The following TMEM165 variants were observed in gnomAD, a reference collection of about 807,000 sequenced individuals.
The protein encoded by TMEM165 is putative divalent cation/proton antiporter TMEM165.
In TMEM165, 19 loss-of-function variants were observed where a neutral mutation model predicts 30.0. That is an observed-to-expected ratio of 0.63 (90% CI 0.44 to 0.93). The LOEUF is 0.93. Ranked by LOEUF, TMEM165 falls within the 40% of genes least tolerant of loss-of-function variation. TMEM165 has a pLI of 0.00. For synonymous variants in TMEM165, 168 were observed against 162.9 expected, an observed-to-expected ratio of 1.03 and a Z score of -0.24; for missense variants, 340 against 417.0, an observed-to-expected ratio of 0.82 and a Z score of 1.61.
intron 3 of TMEM165, among the ~76,000 whole-genome samples, chr4:55,441,208 A>G (rs1577675929): frequency 1.3e-5 from 2 of 152,164 alleles, no homozygotes; most frequent in South Asian, 4.1e-4. Context: ...TCAACTTAAA[A>G]CCACAATTAA....
At chr4:55,427,774 C>A (rs1038281448), downstream of TMEM165, 1 of 152,218 alleles carries the variant, frequency 6.6e-6, no homozygotes, top group African/African-American at 2.4e-5. Flanking sequence ...GCATCGCATT[C>A]TGAGGCACCA....
chr4:55,415,384 T>G (rs1162594049), intron 2 of TMEM165: 1 of 152,194 alleles, frequency 6.6e-6, no homozygotes, highest in Admixed American at 6.5e-5. Flanking sequence ...CCATTTGATT[T>G]TGCTCCTCAC....
chr4:55,434,932 C>A (rs1722763892), intron 3 of TMEM165: 1 of 179,748 alleles, frequency 5.6e-6, no homozygotes, highest in Non-Finnish European at 1.2e-5. Flanking sequence ...CCATCATTAT[C>A]TGAAAAGGGA....
At chr4:55,400,812 T>A (rs951408110) in intron 1 of TMEM165, among the ~76,000 whole-genome samples, 1 of 150,564 alleles carries the variant, frequency 6.6e-6, no homozygotes, top group African/African-American at 2.5e-5. Context: ...GCTGAAAGAT[T>A]TTTCTTTCAC....
Position 55,450,242 on chromosome 4 carries a change from C to G in TMEM165, c.409-1997C>G, listed in dbSNP as rs1321036113. ...ACCCAGAATCTTGGCTCTATGGAGA[C>G]AGAGTAAAATAAATGTTTTCTTGTG... On this transcript the variant is annotated intron_variant, in intron 3 of 3. Coordinates refer to the TMEM165 transcript ENST00000608091. 5 of 1,613,738 alleles carry G rather than the reference C, an allele frequency of 3.1e-6. No homozygotes were observed. In the South Asian group the frequency reaches 5.5e-5, roughly 18 times the overall value.
intron 1 of TMEM165, among the ~76,000 whole-genome samples, chr4:55,405,864 C>T (rs2109532487): frequency 6.6e-6 from 1 of 152,328 alleles, no homozygotes; most frequent in South Asian, 2.1e-4. Context: ...AGCTTGTCCA[C>T]AAACATAAAG....
intron 1 of TMEM165, among the ~76,000 whole-genome samples, chr4:55,400,266 A>C (rs1357450586): frequency 1.0e-5 from 1 of 98,578 alleles, no homozygotes; most frequent in Admixed American, 1.5e-4. Flanking sequence ...TTAATATATA[A>C]TATATAATAT....
chr4:55,450,150 G>A, intron 3 of TMEM165: 7 of 1,614,108 alleles, frequency 4.3e-6, no homozygotes, highest in Non-Finnish European at 5.9e-6. Flanking sequence ...AGAGGCAGAA[G>A]GGGTTGGGCT....
intron 1 of TMEM165, among the ~76,000 whole-genome samples, chr4:55,402,809 T>TTTTTTTTTTTTTTTTTTTA (rs1560387581): frequency 7.6e-6 from 1 of 131,924 alleles, no homozygotes; most frequent in African/African-American, 3.1e-5. Context: ...TTTTTTTTTT[T>TTTTTTTTTTTTTTTTTTTA]GAGACGGAGT....
In TMEM165 at chr4:55,396,073, TA is replaced by T; in HGVS notation, c.-115del. 1.2e-6 allele frequency: 1 copy of T among 850,680 alleles called. No individual in the cohort carries two copies. The highest frequency in any genetic ancestry group is 1.6e-6 in the Non-Finnish European group (1 of 627,576). 52.7% of individuals were successfully genotyped at this position (850,680 alleles called of 1,614,324 possible). On this transcript the variant is annotated 5_prime_UTR_variant, in exon 1 of 6. It removes the in-frame stop codon of an upstream open reading frame in the 5' UTR. Coordinates refer to ENST00000381334, the MANE Select transcript of TMEM165 (RefSeq NM_018475.5). ...CTCCCGGATGGTGCTGACTGCTCCC[TA>T]AGCGGCGGCGGCGGCGAGTCGTGAG...
At chr4:55,416,940 TTACA>T (rs1166185132) in intron 2 of TMEM165, 128 bp from the exon 3 acceptor site, 5 of 704,078 alleles carry the variant, frequency 7.1e-6, no homozygotes, top group Non-Finnish European at 1.1e-5. Context: ...CTTGAGGTTA[TTACA>T]TACTAGATTA....
chr4:55,426,730 G>A (rs1722218285), downstream of TMEM165, among the ~76,000 whole-genome samples: 1 of 152,198 alleles, frequency 6.6e-6, no homozygotes, highest in South Asian at 2.1e-4. Context: ...GCAATTTGAA[G>A]AGATTGTGAA....
chr4:55,412,533 A>G (rs1721553616), intron 2 of TMEM165: 1 of 151,812 alleles, frequency 6.6e-6, no homozygotes, highest in South Asian at 2.1e-4. Context: ...CTTTTTTAAC[A>G]GTTGGAAATT....
intron 3 of TMEM165, among the ~76,000 whole-genome samples, chr4:55,443,217 T>G (rs564741271): frequency 1.1e-4 from 16 of 152,200 alleles, no homozygotes; most frequent in African/African-American, 3.9e-4. Context: ...GGCTCACACC[T>G]GTAATCCCAG....
At chr4:55,401,015 T>C (rs11729403) in intron 1 of TMEM165, among the ~76,000 whole-genome samples, 5,157 of 150,578 alleles carry the variant, frequency 0.034, 149 homozygotes, top group Non-Finnish European at 0.054. Context: ...GATATTTAAA[T>C]TTAACCTTTT....
intron 1 of TMEM165, among the ~76,000 whole-genome samples, chr4:55,407,968 A>G (rs1431219432): frequency 6.6e-6 from 1 of 152,160 alleles, no homozygotes; most frequent in East Asian, 1.9e-4. Flanking sequence ...TCACGCCGTA[A>G]CTGATAATGC....
At chr4:55,443,791 G>C in intron 3 of TMEM165, 1 of 1,613,968 alleles carries the variant, frequency 6.2e-7, no homozygotes, top group Non-Finnish European at 8.5e-7. Flanking sequence ...GGAACAACTT[G>C]GCCTTGCATA....
intron 3 of TMEM165, chr4:55,438,255 A>C (rs1723050511): frequency 5.0e-6 from 8 of 1,613,508 alleles, no homozygotes; most frequent in African/African-American, 1.3e-5. Context: ...AATGAGTTTG[A>C]AGCAGCTTCC....
At chr4:55,445,295 C>T (rs941577780) in intron 3 of TMEM165, among the ~76,000 whole-genome samples, 1 of 152,128 alleles carries the variant, frequency 6.6e-6, no homozygotes, top group African/African-American at 2.4e-5. Context: ...GGTGGCTTTC[C>T]AGCAAGTCTC....
Sources: gnomAD v4.1 joint callset for allele counts (sites outside exome capture counted in the v4.1 genomes callset) on GRCh38, gnomAD v4.1.1 for gene constraint, MANE v1.5 for transcripts, NCBI Gene and HGNC (gene_info 2026-07-23, HGNC 2026-07-21) for gene names.